DDX60L: variants seen among roughly 807,000 people sequenced by gnomAD.
DDX60L encodes the protein DExD/H-box 60 like.
DDX60L carries 191 observed loss-of-function variants against 211.6 expected under a neutral mutation model. That is an observed-to-expected ratio of 0.90 (90% CI 0.80 to 1.02). DDX60L has a LOEUF of 1.02. Ranked by LOEUF, DDX60L falls within the 50% of genes least tolerant of loss-of-function variation. The pLI is 0.00. For synonymous variants in DDX60L, 706 were observed against 694.1 expected (o/e 1.02, Z -0.27); for missense variants, 2,007 against 1,984.1 (o/e 1.01, Z -0.22).
intron 37 of DDX60L, among the ~76,000 whole-genome samples, chr4:168,360,579 T>C (rs1738931623): frequency 6.6e-6 from 1 of 152,048 alleles, no homozygotes; most frequent in African/African-American, 2.4e-5. Context: ...GGACTAGAGG[T>C]AAGGAAAATG....
chr4:168,378,363 A>C lies in DDX60L; in HGVS notation c.4476T>G (p.Ser1492=). 1.4e-6 allele frequency: 2 copies of C among 1,424,732 alleles called. No homozygotes were observed. Among genetic ancestry groups the C allele is most frequent in the South Asian group, 2.5e-5 (2 of 79,456 alleles). 88.3% of individuals were successfully genotyped at this position (1,424,732 alleles called of 1,614,324 possible). ...AKFQNANLSF[S]QSKVILAELP... ...GTATAACAAACTTTACCTTTGACTG[A>C]GAAAAACTTAAATTAGCATTTTGGA... The change falls in exon 33 of 38, where the codon TCT becomes TCG. Residue 1492 remains serine (S), a synonymous_variant. Transcript: ENST00000682922.
chr4:168,432,782 C>A (rs967091400), intron 11 of DDX60L, among the ~76,000 whole-genome samples: 2 of 150,960 alleles, frequency 1.3e-5, no homozygotes, highest in Non-Finnish European at 3.0e-5. Flanking sequence ...AACTTTATAG[C>A]TGGAGTAATT....
rs1224525158 is a variant in DDX60L, at chr4:168,471,797, GATAGC to G, written c.209_213del (p.Cys70SerfsTer7). 6.2e-7 allele frequency: 1 copy of G among 1,613,110 alleles called. No homozygotes were observed. Among genetic ancestry groups the G allele is most frequent in the Admixed American group, 1.7e-5 (1 of 59,706 alleles). On this transcript the variant is annotated frameshift_variant, in exon 4 of 38. Coordinates refer to ENST00000682922, the MANE Select transcript of DDX60L (RefSeq NM_001012967.3). LOFTEE classifies it high-confidence loss of function. ...CCTCCGTTACTCAGAAGATCCACAAGATAGCATTCAACCAGATAGAAAAAGTGGAG... is the reference window on the plus strand; with the variant it reads ...CCTCCGTTACTCAGAAGATCCACAAGATTCAACCAGATAGAAAAAGTGGAG...
chr4:168,472,553 C>A, intron 2 of DDX60L, 29 bp from the exon 3 acceptor site: 6 of 1,576,340 alleles, frequency 3.8e-6, no homozygotes, highest in Non-Finnish European at 5.2e-6. Context: ...TTTGAGCCAT[C>A]AATATTTTTA....
In DDX60L at chr4:168,448,741, G is replaced by C; in HGVS notation, c.1035C>G (p.Asn345Lys). ...WCEYFILSNLNVFGCWNLNLN... is the reference protein window; with the variant it reads ...WCEYFILSNLKVFGCWNLNLN... ...AATTCAGATTCCAGCATCCAAAAAC[G>C]TTTAAGTTGCTTAAAATGAAATATT... The change falls in exon 9 of 38, where the codon AAC (asparagine) becomes AAG (lysine). Residue 345 changes from asparagine (N) to lysine (K), a missense_variant. By Grantham distance (94) the Asn-to-Lys change is moderately conservative. Transcript: ENST00000682922. 1 of 1,606,282 alleles carries C rather than the reference G, an allele frequency of 6.2e-7. No individual in the cohort carries two copies. The highest frequency in any genetic ancestry group is 8.5e-7 in the Non-Finnish European group (1 of 1,174,564).
intron 17 of DDX60L, 76 bp downstream of exon 17, chr4:168,421,684 G>C: frequency 1.9e-6 from 3 of 1,546,940 alleles, no homozygotes; most frequent in Non-Finnish European, 2.6e-6. Context: ...ATTAGATCTA[G>C]CATGTGACCG....
intron 4 of DDX60L, among the ~76,000 whole-genome samples, chr4:168,464,791 G>A (rs1033512209): frequency 1.3e-5 from 2 of 152,018 alleles, no homozygotes; most frequent in African/African-American, 2.4e-5. Context: ...GTGCAATAAT[G>A]TCCTCCAAGA....
chr4:168,411,614 T>TG (rs1489015724), intron 22 of DDX60L, among the ~76,000 whole-genome samples: 2 of 152,072 alleles, frequency 1.3e-5, no homozygotes, highest in South Asian at 2.1e-4. Context: ...AGCTCGTCAC[T>TG]GGGGGTTAAA....
chr4:168,407,045 C>G (rs916258420), intron 22 of DDX60L, among the ~76,000 whole-genome samples: 5 of 152,188 alleles, frequency 3.3e-5, no homozygotes, highest in African/African-American at 1.2e-4. Context: ...AATATGAGCT[C>G]TTACAGAATA....
intron 29 of DDX60L, chr4:168,390,480 T>A (rs1744605702): frequency 8.7e-6 from 12 of 1,385,696 alleles, no homozygotes; most frequent in Middle Eastern, 1.9e-4. Flanking sequence ...AAACTCCTTT[T>A]CTCTGTAAAA....
intron 19 of DDX60L, 31 bp from the exon 20 acceptor site, chr4:168,416,828 T>C (rs1435352487): frequency 1.6e-6 from 2 of 1,246,332 alleles, no homozygotes; most frequent in Non-Finnish European, 2.3e-6. Context: ...AGTTGAAAAG[T>C]TGATGTCAAA....
intron 35 of DDX60L, among the ~76,000 whole-genome samples, chr4:168,373,440 A>G (rs1011535188): frequency 1.3e-5 from 2 of 152,086 alleles, no homozygotes; most frequent in Non-Finnish European, 2.9e-5. Flanking sequence ...AAATGAGAAA[A>G]AACAGTGGTG....
chr4:168,375,144 A>G (rs2149654381), intron 34 of DDX60L, among the ~76,000 whole-genome samples: 1 of 152,214 alleles, frequency 6.6e-6, no homozygotes, highest in African/African-American at 2.4e-5. Flanking sequence ...TTTTTCCTCC[A>G]TTGCCCAATT....
intron 36 of DDX60L, among the ~76,000 whole-genome samples, chr4:168,369,332 G>A (rs1019187946): frequency 6.6e-6 from 1 of 152,072 alleles, no homozygotes; most frequent in Non-Finnish European, 1.5e-5. Flanking sequence ...TCTTGTCTGC[G>A]GCCATGTGAG....
At chr4:168,429,608 C>G (rs754770641) in intron 13 of DDX60L, among the ~76,000 whole-genome samples, 3 of 152,128 alleles carry the variant, frequency 2.0e-5, no homozygotes, top group Non-Finnish European at 4.4e-5. Flanking sequence ...TAATGGCAAG[C>G]AAGTAAAATA....
At chr4:168,437,971 T>G (rs1195369997) in intron 10 of DDX60L, among the ~76,000 whole-genome samples, 1 of 152,148 alleles carries the variant, frequency 6.6e-6, no homozygotes, top group Non-Finnish European at 1.5e-5. Flanking sequence ...ACTCCTGGGT[T>G]CAAGCGATTC....
chr4:168,418,160 C>T (rs1460468814), intron 19 of DDX60L, among the ~76,000 whole-genome samples: 1 of 152,104 alleles, frequency 6.6e-6, no homozygotes, highest in East Asian at 1.9e-4. Flanking sequence ...CTCTGCCTCC[C>T]GGGTTCAAGT....
chr4:168,433,441 C>A (rs931923676), intron 10 of DDX60L, among the ~76,000 whole-genome samples: 1 of 151,882 alleles, frequency 6.6e-6, no homozygotes, highest in Non-Finnish European at 1.5e-5. Flanking sequence ...ATAGTAATAA[C>A]AGCACTTGAA....
intron 29 of DDX60L, among the ~76,000 whole-genome samples, chr4:168,388,942 C>G (rs935738775): frequency 6.6e-6 from 1 of 152,194 alleles, no homozygotes; most frequent in African/African-American, 2.4e-5. Context: ...AGAGCAATCC[C>G]AGGAGTATGC....
Sources: allele counts gnomAD v4.1 joint callset (sites outside exome capture counted in the v4.1 genomes callset), GRCh38; gene constraint gnomAD v4.1.1; transcripts MANE v1.5; gene names NCBI Gene and HGNC (gene_info 2026-07-23, HGNC 2026-07-21).